GPC5: variants seen among roughly 807,000 people sequenced by gnomAD.
GPC5 encodes the protein glypican-5.
GPC5 carries 47 observed loss-of-function variants against 53.9 expected under a neutral mutation model. That is an observed-to-expected ratio of 0.87 (90% CI 0.69 to 1.11). The LOEUF is 1.11. Ranked by LOEUF, GPC5 falls within the 50% of genes most tolerant of loss-of-function variation. The probability of loss-of-function intolerance (pLI) is 0.00; values close to 1 mark genes in which losing one functional copy is unlikely to be tolerated. For missense variants in GPC5, 748 were observed against 713.1 expected (o/e 1.05, Z -0.56); for synonymous variants, 286 against 263.3 (o/e 1.09, Z -0.84).
intron 2 of GPC5, among the ~76,000 whole-genome samples, chr13:91,643,797 T>C (rs1399181018): frequency 6.6e-6 from 1 of 152,104 alleles, no homozygotes; most frequent in Admixed American, 6.5e-5. Context: ...AAATTCCCCT[T>C]GTTTTTAAGG....
intron 2 of GPC5, among the ~76,000 whole-genome samples, chr13:91,631,252 C>A (rs1209554572): frequency 6.6e-6 from 1 of 152,118 alleles, no homozygotes; most frequent in Non-Finnish European, 1.5e-5. Context: ...TGTTTTTTAA[C>A]TGATGGGGCC....
At chr13:92,271,464 T>C (rs931764985) in intron 7 of GPC5, among the ~76,000 whole-genome samples, 7 of 152,246 alleles carry the variant, frequency 4.6e-5, no homozygotes, top group South Asian at 2.1e-4. Flanking sequence ...CAACTTATTA[T>C]ATATTTCCAG....
chr13:92,610,743 G>A (rs1418843991), intron 7 of GPC5, among the ~76,000 whole-genome samples: 3 of 152,044 alleles, frequency 2.0e-5, no homozygotes, highest in African/African-American at 7.2e-5. Context: ...GGGGAAGCAG[G>A]CACTTTCCTC....
chr13:92,521,289 A>G (rs1386048765), intron 7 of GPC5, among the ~76,000 whole-genome samples: 1 of 152,190 alleles, frequency 6.6e-6, no homozygotes, highest in African/African-American at 2.4e-5. Context: ...TAAAGTTCAT[A>G]TGGAAACAAA....
intron 7 of GPC5, among the ~76,000 whole-genome samples, chr13:92,197,808 G>T (rs2042267859): frequency 6.6e-6 from 1 of 151,786 alleles, no homozygotes; most frequent in South Asian, 2.1e-4. Context: ...GAGTCACCGA[G>T]CCAGGCACCC....
At chr13:91,402,067 A>G (rs919004651) in intron 1 of GPC5, among the ~76,000 whole-genome samples, 3 of 152,152 alleles carry the variant, frequency 2.0e-5, no homozygotes, top group African/African-American at 4.8e-5. Flanking sequence ...ATGCTTTTCT[A>G]TTAAAATTCT....
At chr13:92,379,738 G>T (rs1315494648) in intron 7 of GPC5, among the ~76,000 whole-genome samples, 1 of 151,834 alleles carries the variant, frequency 6.6e-6, no homozygotes, top group Non-Finnish European at 1.5e-5. Flanking sequence ...GTTCCTCTCT[G>T]TGCCCACTGC....
chr13:92,713,642 C>G (rs1290245739), intron 7 of GPC5, among the ~76,000 whole-genome samples: 2 of 150,734 alleles, frequency 1.3e-5, no homozygotes, highest in African/African-American at 4.9e-5. Context: ...ATTTTTAACT[C>G]TTAGGAAAAT....
chr13:91,432,804 A>T (rs1255239930), intron 1 of GPC5, among the ~76,000 whole-genome samples: 1 of 152,220 alleles, frequency 6.6e-6, no homozygotes, highest in Non-Finnish European at 1.5e-5. Flanking sequence ...TAAATACAAT[A>T]GCCATAAATG....
At chr13:92,130,213 A>G (rs1018912315) in intron 6 of GPC5, among the ~76,000 whole-genome samples, 1 of 152,092 alleles carries the variant, frequency 6.6e-6, no homozygotes, top group Non-Finnish European at 1.5e-5. Context: ...TATTTAGACA[A>G]GTAATTGTTG....
chr13:92,426,404 T>A (rs1876836540), intron 7 of GPC5, among the ~76,000 whole-genome samples: 1 of 152,130 alleles, frequency 6.6e-6, no homozygotes. Context: ...GCTGTACTGC[T>A]TTTCTCAGAA....
intron 6 of GPC5, among the ~76,000 whole-genome samples, chr13:92,005,825 G>A (rs1467402211): frequency 6.6e-6 from 1 of 151,940 alleles, no homozygotes; most frequent in Non-Finnish European, 1.5e-5. Context: ...TAACAATATT[G>A]GAATATTTCC....
intron 7 of GPC5, among the ~76,000 whole-genome samples, chr13:92,780,618 G>A (rs1241447555): frequency 6.6e-6 from 1 of 151,950 alleles, no homozygotes; most frequent in Non-Finnish European, 1.5e-5. Flanking sequence ...CCAGACTTCA[G>A]TGTATAATCC....
intron 4 of GPC5, among the ~76,000 whole-genome samples, chr13:91,742,193 C>T (rs981580723): frequency 7.9e-5 from 12 of 152,026 alleles, no homozygotes; most frequent in Admixed American, 3.3e-4. Flanking sequence ...TGCAGGGGGT[C>T]AAACTACAGG....
At chr13:92,156,333 G>A (rs1219449297) in intron 7 of GPC5, among the ~76,000 whole-genome samples, 1 of 152,102 alleles carries the variant, frequency 6.6e-6, no homozygotes, top group Non-Finnish European at 1.5e-5. Context: ...TTATAACAGA[G>A]CCCTTGCATC....
intron 7 of GPC5, among the ~76,000 whole-genome samples, chr13:92,385,795 A>G (rs565797479): frequency 1.5e-4 from 13 of 86,338 alleles, no homozygotes; most frequent in African/African-American, 4.6e-4. Flanking sequence ...ATATATATAC[A>G]TATATACGTA....
At chr13:92,771,299 T>C (rs932057007) in intron 7 of GPC5, among the ~76,000 whole-genome samples, 1 of 152,106 alleles carries the variant, frequency 6.6e-6, no homozygotes, top group African/African-American at 2.4e-5. Context: ...AGAAATAGGA[T>C]CTAGACTTCT....
At chr13:92,460,111 T>G (rs1878420531) in intron 7 of GPC5, among the ~76,000 whole-genome samples, 4 of 152,136 alleles carry the variant, frequency 2.6e-5, no homozygotes, top group Admixed American at 1.3e-4. Flanking sequence ...ATCTGGATTT[T>G]CACACAGTCT....
chr13:92,213,279 T>G (rs1334647467), intron 7 of GPC5, among the ~76,000 whole-genome samples: 1 of 152,214 alleles, frequency 6.6e-6, no homozygotes, highest in Non-Finnish European at 1.5e-5. Flanking sequence ...TGACAAACTT[T>G]CCATCCTCCC....
Sources: gnomAD v4.1 joint callset for allele counts (sites outside exome capture counted in the v4.1 genomes callset) on GRCh38, gnomAD v4.1.1 for gene constraint, MANE v1.5 for transcripts, NCBI Gene and HGNC (gene_info 2026-07-23, HGNC 2026-07-21) for gene names.